Variants in EP400 observed in about 807,000 individuals in gnomAD.
EP400 encodes E1A binding protein p400, also known as E1A-binding protein p400.
A neutral mutation model predicts 354.1 loss-of-function variants in EP400; 105 were observed. That is an observed-to-expected ratio of 0.30 (90% CI 0.25 to 0.35). The LOEUF (loss-of-function observed/expected upper bound fraction) is 0.35, where lower values mean the gene tolerates loss of function less well. EP400 is among the 10% of genes least tolerant of loss of function. The pLI, the probability that EP400 is intolerant of heterozygous loss-of-function variation, is 1.00. For synonymous variants in EP400, 1,646 were observed against 1,716.9 expected, an observed-to-expected ratio of 0.96 and a Z score of 1.02; for missense variants, 3,280 against 4,121.0, an observed-to-expected ratio of 0.80 and a Z score of 5.59.
intron 21 of EP400, 138 bp from the exon 22 acceptor site, chr12:132,019,911 C>T (rs1565918114): frequency 1.1e-6 from 1 of 919,482 alleles, no homozygotes; most frequent in Non-Finnish European, 1.5e-6. Flanking sequence ...TTCCCCTTCC[C>T]TCTGTAAACT....
At chr12:132,016,432 G>A (rs1160862928) in intron 19 of EP400, among the ~76,000 whole-genome samples, 2 of 151,952 alleles carry the variant, frequency 1.3e-5, no homozygotes, top group Non-Finnish European at 2.9e-5. Flanking sequence ...GCAGTGGCAC[G>A]ATCTGGGCTC....
At chr12:132,033,671 A>G (rs1402199124) in intron 30 of EP400, among the ~76,000 whole-genome samples, 3 of 151,764 alleles carry the variant, frequency 2.0e-5, no homozygotes, top group African/African-American at 7.3e-5. Flanking sequence ...GGCTGGGACT[A>G]CAGGTGTGCA....
In EP400 at chr12:132,077,578, C is replaced by T; in HGVS notation, c.9277C>T (p.Pro3093Ser). 6.2e-7 allele frequency: 1 copy of T among 1,613,876 alleles called. No homozygotes were observed. Among genetic ancestry groups the T allele is most frequent in the East Asian group, 2.2e-5 (1 of 44,890 alleles). ...TPGAPNPAQV[P>S]ASSDSPSQQP... ...AGGCGCTCCCAACCCAGCCCAGGTG[C>T]CCGCCAGCTCCGACAGCCCAAGCCA... Residue 3093 changes from proline to serine, a missense_variant, in exon 53 of 53, where the codon CCC (proline) becomes TCC (serine). By Grantham distance (74) the Pro-to-Ser change is moderately conservative. Transcript: ENST00000389561.
At position 131,987,804 on chromosome 12, in the gene EP400, C is replaced by T; in HGVS notation, c.2323C>T (p.His775Tyr). 1 of 1,613,566 alleles carries T rather than the reference C, an allele frequency of 6.2e-7. No individual in the cohort carries two copies. Among genetic ancestry groups the T allele is most frequent in the Non-Finnish European group, 8.5e-7 (1 of 1,179,938 alleles). ...KLQEAPRPKSHWDYLLEEMQW... is the reference protein window; with the variant it reads ...KLQEAPRPKSYWDYLLEEMQW... ...GCAGGAGGCCCCACGCCCCAAGTCCCACTGGGACTATCTGCTGGAGGAGAT... is the reference window on the plus strand; with the variant it reads ...GCAGGAGGCCCCACGCCCCAAGTCCTACTGGGACTATCTGCTGGAGGAGAT... Residue 775 changes from histidine (H) to tyrosine (Y), a missense_variant, in exon 7 of 53, where the codon CAC (histidine) becomes TAC (tyrosine). This residue lies in a region of EP400 where 800 missense variants were observed against 840.0 expected (regional missense o/e 0.95). Transcript: ENST00000389561.
intron 50 of EP400, chr12:132,068,453 G>GAC (rs996698422): frequency 6.6e-6 from 1 of 152,374 alleles, no homozygotes; most frequent in African/African-American, 2.4e-5. Flanking sequence ...ACACCACCTG[G>GAC]ACACTGGCTG....
intron 24 of EP400, 129 bp downstream of exon 24, chr12:132,024,070 C>T (rs1483987595): frequency 1.9e-6 from 2 of 1,063,216 alleles, no homozygotes; most frequent in Non-Finnish European, 2.6e-6. Flanking sequence ...TGATGCATCT[C>T]ACCTCATGGG....
Position 131,990,145 on chromosome 12 carries a change from G to C in EP400, c.2550+41G>C, listed in dbSNP as rs1892983636. 1.9e-6 allele frequency: 3 copies of C among 1,570,328 alleles called. No homozygotes were observed. The highest frequency in any genetic ancestry group is 2.6e-6 in the Non-Finnish European group (3 of 1,163,054). The stretch of plus-strand genomic sequence containing the variant: ...GTCATGGGGTCGTAAGAATCAGTCT[G>C]TCGGAGCTGGTGAGGCCACTTCCCG... On this transcript the variant is annotated intron_variant, in intron 8 of 52. Transcript: ENST00000389561. The surrounding 1 kb of genome is among the most constrained non-coding windows in gnomAD (Gnocchi z 4.2).
At chr12:131,999,237 GTTC>G (rs912273642) in intron 12 of EP400, among the ~76,000 whole-genome samples, 2 of 152,090 alleles carry the variant, frequency 1.3e-5, no homozygotes, top group Non-Finnish European at 2.9e-5. Context: ...GATAACCAGT[GTTC>G]TTCTGAGGAT....
In EP400 at chr12:132,029,837, C is replaced by T; in HGVS notation, c.5518C>T (p.Leu1840=). Residue 1840 remains leucine, a synonymous_variant, in exon 28 of 53, where the codon CTG becomes TTG. Coordinates refer to ENST00000389561, the MANE Select transcript of EP400 (RefSeq NM_015409.5). This position sits in a 1 kb window ranked among gnomAD's most constrained non-coding sequence, Gnocchi z 4.7. ...GCACGCTGCGCCGTACTTCCAGCAG[C>T]TGCGGCAGACCACGGCTCCACGCCT... is the stretch of plus-strand genomic sequence containing the variant. ...REHAAPYFQQ[L]RQTTAPRLLQ... is the part of the protein sequence containing the mutation. The T allele has an allele frequency of 6.2e-7, 1 of 1,613,180 alleles. No homozygotes were observed.
chr12:132,070,066 G>A lies in EP400; in HGVS notation c.9021+425G>A, dbSNP rs959247107. Among the ~76,000 whole-genome samples the A allele has an allele frequency of 1.6e-4, 24 of 152,210 alleles. No homozygotes were observed. The highest frequency in any genetic ancestry group is 8.5e-4 in the Admixed American group (13 of 15,302). ...TTTCATGTGTGCAGTGTGCCCTCCC[G>A]TCTTCCTCTCTGCCTAGAGCTTTTA... On this transcript the variant is annotated intron_variant, in intron 51 of 52. Coordinates refer to ENST00000389561, the MANE Select transcript of EP400 (RefSeq NM_015409.5). This position sits in a 1 kb window ranked among gnomAD's most constrained non-coding sequence, Gnocchi z 4.1.
rs185538316 is a variant in EP400 at position 132,078,260 on chromosome 12, G to C, written c.*587G>C. On this transcript the variant is annotated 3_prime_UTR_variant, in exon 53 of 53. Transcript: ENST00000389561. ...CTAAAATATGACTTAACTTTTAAGA[G>C]AAATGTTCTGACACCCACCTAAACA... 2.0e-5 allele frequency: 3 copies of C among 153,750 alleles called. No homozygotes were observed. The highest frequency in any genetic ancestry group is 4.3e-5 in the Non-Finnish European group (3 of 69,072). 9.5% of individuals were successfully genotyped at this position (153,750 alleles called of 1,614,324 possible).
At position 131,982,121 on chromosome 12, in the gene EP400, G is replaced by T. The variant is rs749446319; in HGVS notation, c.1572G>T (p.Ala524=). Residue 524 remains alanine, a synonymous_variant, in exon 5 of 53, where the codon GCG becomes GCT. Coordinates refer to ENST00000389561, the MANE Select transcript of EP400 (RefSeq NM_015409.5). ...QGGMPPTPQA[A]QLAGQRQSQQ... is the part of the protein sequence containing the mutation. Reference sequence around the variant, plus strand: ...GAATGCCCCCCACGCCGCAGGCCGCGCAGCTCGCTGGACAGAGGCAGAGTC... The same window carrying T: ...GAATGCCCCCCACGCCGCAGGCCGCTCAGCTCGCTGGACAGAGGCAGAGTC... 33 of 1,547,238 alleles carry T rather than the reference G, an allele frequency of 2.1e-5. No individual in the cohort carries two copies. The highest frequency in any genetic ancestry group is 4.5e-5 in the East Asian group (2 of 44,048).
In EP400 at chr12:132,052,763, C is replaced by T. The variant is rs927326424; in HGVS notation, c.7395-383C>T. Among the ~76,000 whole-genome samples the T allele has an allele frequency of 3.3e-5, 5 of 152,152 alleles. No homozygotes were observed. Among genetic ancestry groups the T allele is most frequent in the South Asian group, 2.1e-4 (1 of 4,828 alleles). ...CGGGGGAGCGAGAGAGGCACAGTCC[C>T]GCCCTCCCTTTACCTCCCTGGAGAG... is the stretch of plus-strand genomic sequence containing the variant. On this transcript the variant is annotated intron_variant, in intron 41 of 52. Transcript: ENST00000389561. This position sits in a 1 kb window ranked among gnomAD's most constrained non-coding sequence, Gnocchi z 4.4.
intron 1 of EP400, among the ~76,000 whole-genome samples, chr12:131,958,133 T>G (rs1235397487): frequency 6.6e-6 from 1 of 152,262 alleles, no homozygotes; most frequent in Non-Finnish European, 1.5e-5. Context: ...CCTATGTTAA[T>G]TTAGCTTTTG....
At chr12:132,072,812 T>C (rs1027082464) in intron 51 of EP400, among the ~76,000 whole-genome samples, 4 of 152,268 alleles carry the variant, frequency 2.6e-5, no homozygotes, top group African/African-American at 4.8e-5. Context: ...GGTTTTGCTT[T>C]ATATCTTAGA....
chr12:132,031,555 G>A (rs1176037785), intron 29 of EP400, among the ~76,000 whole-genome samples: 1 of 152,118 alleles, frequency 6.6e-6, no homozygotes, highest in African/African-American at 2.4e-5. Context: ...AAGCAGTTTT[G>A]CTATGGGATA....
intron 1 of EP400, among the ~76,000 whole-genome samples, chr12:131,951,272 G>A (rs1264018442): frequency 6.6e-6 from 1 of 151,264 alleles, no homozygotes; most frequent in Non-Finnish European, 1.5e-5. Context: ...GGCTGGTCTC[G>A]AACTCCTGAG....
chr12:132,050,866 C>T lies in EP400; in HGVS notation c.7394+211C>T. On this transcript the variant is annotated intron_variant, in intron 41 of 52. Coordinates refer to ENST00000389561, the MANE Select transcript of EP400 (RefSeq NM_015409.5). The surrounding 1 kb of genome is among the most constrained non-coding windows in gnomAD (Gnocchi z 4.8). ...CGGCCCCTGCCCTGTCTCTGTGTTA[C>T]AGGGATTGTCCTTGCTGGCCCTCAG... 1.6e-6 allele frequency: 1 copy of T among 612,476 alleles called. No individual in the cohort carries two copies. The highest frequency in any genetic ancestry group is 2.9e-6 in the Non-Finnish European group (1 of 346,664). 37.9% of individuals were successfully genotyped at this position (612,476 alleles called of 1,614,324 possible). A position where few individuals can be genotyped will look rare whatever the true frequency, so the allele number is the denominator to read the frequency against.
At position 132,018,110 on chromosome 12, in the gene EP400, G is replaced by A; in HGVS notation, c.4111-100G>A. On this transcript the variant is annotated intron_variant, in intron 20 of 52. Transcript: ENST00000389561. The surrounding 1 kb of genome is among the most constrained non-coding windows in gnomAD (Gnocchi z 4.0). ...AGTGGCCGTTAGAGGGGGCGCGTCTGGATGCCCACGTTAGGGCCCTGCCAT... is the reference window on the plus strand; with the variant it reads ...AGTGGCCGTTAGAGGGGGCGCGTCTAGATGCCCACGTTAGGGCCCTGCCAT... 6.8e-7 allele frequency: 1 copy of A among 1,481,182 alleles called. No homozygotes were observed. Among genetic ancestry groups the A allele is most frequent in the East Asian group, 2.3e-5 (1 of 43,908 alleles). 91.8% of individuals were successfully genotyped at this position (1,481,182 alleles called of 1,614,324 possible). A position where few individuals can be genotyped will look rare whatever the true frequency, so the allele number is the denominator to read the frequency against.
Sources: gnomAD v4.1 joint callset for allele counts (sites outside exome capture counted in the v4.1 genomes callset) on GRCh38, gnomAD v4.1.1 for gene constraint, gnomAD v4.1.1 regional missense constraint, Gnocchi (gnomAD v3.1) non-coding constraint, MANE v1.5 for transcripts, NCBI Gene and HGNC (gene_info 2026-07-23, HGNC 2026-07-21) for gene names.